TRIM14: variants seen among roughly 807,000 people sequenced by gnomAD.
The protein encoded by TRIM14 is tripartite motif containing 14, also known as tripartite motif-containing protein 14.
TRIM14 carries 28 observed loss-of-function variants against 44.5 expected under a neutral mutation model. The ratio of observed to expected loss-of-function variants is 0.63; its 90% CI spans 0.47 to 0.86. TRIM14 has a LOEUF of 0.86. Ranked by LOEUF, TRIM14 falls within the 40% of genes least tolerant of loss-of-function variation. The probability of loss-of-function intolerance (pLI) is 0.00; values close to 1 mark genes in which losing one functional copy is unlikely to be tolerated. For missense variants in TRIM14, 607 were observed against 611.1 expected (o/e 0.99, Z 0.07); for synonymous variants, 299 against 269.2 (o/e 1.11, Z -1.08).
rs775563758 is a variant in TRIM14 at position 98,085,034 on chromosome 9, T to C, written c.*2436A>G. On this transcript the variant is annotated 3_prime_UTR_variant, in exon 6 of 6. Transcript: ENST00000341469. ...TATCACGGGCCTTGACACAGCTAGTTTGTGACCTTTACAGTCTAGCTCTGT... is the reference window on the plus strand; with the variant it reads ...TATCACGGGCCTTGACACAGCTAGTCTGTGACCTTTACAGTCTAGCTCTGT... 12 of 152,188 alleles carry C rather than the reference T, an allele frequency of 7.9e-5. No individual in the cohort carries two copies. Among genetic ancestry groups the C allele is most frequent in the Non-Finnish European group, 1.8e-4 (12 of 68,046 alleles). 9.4% of individuals were successfully genotyped at this position (152,188 alleles called of 1,614,324 possible).
chr9:98,091,027 T>C (rs1383605113), intron 5 of TRIM14, among the ~76,000 whole-genome samples: 1 of 152,224 alleles, frequency 6.6e-6, no homozygotes, highest in Non-Finnish European at 1.5e-5. Context: ...CTCTGCTAAC[T>C]GGATACTGAG....
intron 6 of TRIM14, among the ~76,000 whole-genome samples, chr9:98,077,772 C>A (rs568963839): frequency 5.9e-5 from 9 of 152,286 alleles, no homozygotes; most frequent in Admixed American, 2.6e-4. Flanking sequence ...ACAGGGGAGG[C>A]CTCTGAGACT....
At chr9:98,076,816 C>G in intron 6 of TRIM14, 3 of 901,224 alleles carry the variant, frequency 3.3e-6, no homozygotes, top group East Asian at 5.0e-5. Flanking sequence ...CCTCTACTGC[C>G]TAAGATGAGG....
chr9:98,098,043 C>T (rs947002724), intron 3 of TRIM14, among the ~76,000 whole-genome samples: 7 of 152,148 alleles, frequency 4.6e-5, no homozygotes, highest in Admixed American at 1.3e-4. Flanking sequence ...ACTGGCTTGG[C>T]GGGTTTTGTG....
At chr9:98,108,998 C>G (rs1826733786) in intron 2 of TRIM14, among the ~76,000 whole-genome samples, 1 of 151,904 alleles carries the variant, frequency 6.6e-6, no homozygotes, top group Admixed American at 6.6e-5. Context: ...CCACCCCAGC[C>G]TCTGAAACAG....
intron 2 of TRIM14, among the ~76,000 whole-genome samples, chr9:98,105,395 A>G (rs1322536162): frequency 6.6e-6 from 1 of 152,188 alleles, no homozygotes; most frequent in Non-Finnish European, 1.5e-5. Context: ...CCTGGCCAAC[A>G]TAGTGAAACC....
chr9:98,097,130 G>T (rs976611371), intron 3 of TRIM14, among the ~76,000 whole-genome samples: 7 of 152,150 alleles, frequency 4.6e-5, no homozygotes, highest in African/African-American at 1.2e-4. Flanking sequence ...GGAGGCAAAG[G>T]TTGCAGTAAG....
At chr9:98,088,026 G>A (rs1554732289) in intron 5 of TRIM14, 21 bp from the exon 6 acceptor site, 5 of 1,480,184 alleles carry the variant, frequency 3.4e-6, no homozygotes, top group Non-Finnish European at 4.4e-6. Flanking sequence ...CGAGACAAGG[G>A]ACGCACCTGG....
rs557376607 is a variant in TRIM14, at chr9:98,110,858, T to C, written c.208-874A>G. Among the ~76,000 whole-genome samples, 10 of 147,646 alleles carry C rather than the reference T, an allele frequency of 6.8e-5. No homozygotes were observed. The Admixed American group carries it at 6.8e-4, about 10-fold the overall frequency. ...TCTGCCTCTACCACAAAAAATAAAA[T>C]AAAATAAAATAAAATAAAATAAAAT... On this transcript the variant is annotated intron_variant, in intron 1 of 5. Transcript: ENST00000341469.
At chr9:98,072,881 A>G (rs16912590) in intron 6 of TRIM14, among the ~76,000 whole-genome samples, 32,385 of 152,068 alleles carry the variant, frequency 0.21, 3,675 homozygotes, top group Admixed American at 0.27. Context: ...TATTTTCTCC[A>G]CACTGTATGC....
intron 2 of TRIM14, among the ~76,000 whole-genome samples, chr9:98,106,283 A>G (rs1380358920): frequency 6.6e-6 from 1 of 152,276 alleles, no homozygotes; most frequent in Non-Finnish European, 1.5e-5. Context: ...CAGGAAAAAA[A>G]TCTCAAAATG....
downstream of TRIM14, chr9:98,083,063 G>A (rs1829960988): frequency 1.2e-6 from 2 of 1,613,078 alleles, no homozygotes; most frequent in African/African-American, 1.3e-5. Context: ...TAAAAATAAA[G>A]TGCCATTCTC....
downstream of TRIM14, among the ~76,000 whole-genome samples, chr9:98,066,705 C>T (rs1829159376): frequency 6.6e-6 from 1 of 150,986 alleles, no homozygotes; most frequent in Non-Finnish European, 1.5e-5. Context: ...GGCTGGAGTG[C>T]AGTGGTAGGA....
At chr9:98,053,899 T>C in the TRIM14 span, among the ~76,000 whole-genome samples, 3 of 152,216 alleles carry the variant, frequency 2.0e-5, no homozygotes, top group Non-Finnish European at 4.4e-5. Context: ...TGCTGCCCGA[T>C]GGGCTGCATG....
chr9:98,041,729 C>G, the TRIM14 span, among the ~76,000 whole-genome samples: 2 of 151,506 alleles, frequency 1.3e-5, no homozygotes, highest in South Asian at 4.2e-4. Flanking sequence ...GTCGCCCAGG[C>G]TGGAGTGGAG....
chr9:98,056,714 G>A, the TRIM14 span: 1 of 1,485,872 alleles, frequency 6.7e-7, no homozygotes, highest in African/African-American at 1.5e-5. Context: ...CTGGCGTGTG[G>A]GTCTCGCAGC....
At chr9:98,061,793 T>TTAA in the TRIM14 span, among the ~76,000 whole-genome samples, 5 of 146,318 alleles carry the variant, frequency 3.4e-5, no homozygotes, top group Non-Finnish European at 7.6e-5. Flanking sequence ...AAAAAAAAAA[T>TTAA]TAATAATAAT....
Position 98,100,120 on chromosome 9 carries a change from A to G in TRIM14, c.348T>C (p.Thr116=), listed in dbSNP as rs1412805347. The change falls in exon 3 of 6, where the codon ACT becomes ACC. Residue 116 remains threonine (T), a synonymous_variant. Transcript: ENST00000341469. ...CTTCGTCAAGTAGTAATCTGAGTTC[A>G]GTGAATTTCCCCTTCAGCCAGGTTT... ...SSKTWLKGKF[T]ELRLLLDEEE... 1 of 1,614,112 alleles carries G rather than the reference A, an allele frequency of 6.2e-7. No homozygotes were observed. The highest frequency in any genetic ancestry group is 8.5e-7 in the Non-Finnish European group (1 of 1,180,052).
chr9:98,082,472 C>T (rs1829915456), downstream of TRIM14, among the ~76,000 whole-genome samples: 2 of 152,204 alleles, frequency 1.3e-5, no homozygotes, highest in Admixed American at 1.3e-4. Flanking sequence ...TGAGAGCATT[C>T]TATGTTCCAC....
Sources: gnomAD v4.1 joint callset for allele counts (sites outside exome capture counted in the v4.1 genomes callset) on GRCh38, gnomAD v4.1.1 for gene constraint, MANE v1.5 for transcripts, NCBI Gene and HGNC (gene_info 2026-07-23, HGNC 2026-07-21) for gene names.